PPM1L: variants seen among roughly 807,000 people sequenced by gnomAD.
PPM1L encodes the protein protein phosphatase 1L.
Under a neutral mutation model 31.4 loss-of-function variants are expected in PPM1L, and 13 were observed. The observed-to-expected ratio is 0.41, with a 90% CI of 0.27 to 0.66. PPM1L has a LOEUF of 0.66. Among genes scored for constraint, PPM1L ranks in the 30% least tolerant of loss-of-function variants. The pLI, the probability that PPM1L is intolerant of heterozygous loss-of-function variation, is 0.29. For synonymous variants in PPM1L, 184 were observed against 175.4 expected, an observed-to-expected ratio of 1.05 and a Z score of -0.39; for missense variants, 326 against 453.7, an observed-to-expected ratio of 0.72 and a Z score of 2.56.
At chr3:160,898,289 A>T (rs1447619) in intron 1 of PPM1L, among the ~76,000 whole-genome samples, 63,705 of 152,048 alleles carry the variant, frequency 0.42, 14,924 homozygotes, top group Non-Finnish European at 0.54. Flanking sequence ...AACCAAAATA[A>T]TAGCTTATTC....
At chr3:160,996,690 A>G (rs1576770134) in intron 2 of PPM1L, among the ~76,000 whole-genome samples, 1 of 152,192 alleles carries the variant, frequency 6.6e-6, no homozygotes, top group Non-Finnish European at 1.5e-5. Flanking sequence ...GGTACAGTGT[A>G]CACTGCTCTG....
chr3:161,001,473 G>T (rs1173865433), intron 2 of PPM1L, among the ~76,000 whole-genome samples: 1 of 151,998 alleles, frequency 6.6e-6, no homozygotes, highest in Non-Finnish European at 1.5e-5. Flanking sequence ...AGTAGAGACT[G>T]GGTTTTTCCA....
intron 1 of PPM1L, among the ~76,000 whole-genome samples, chr3:160,786,187 G>GTGTGTGTGTATATA (rs1302285733): frequency 7.6e-5 from 3 of 39,444 alleles, no homozygotes; most frequent in Non-Finnish European, 1.1e-4. Flanking sequence ...GTGTGTGTGT[G>GTGTGTGTGTATATA]TATATATATA....
chr3:161,049,578 A>G (rs539878281), intron 2 of PPM1L, among the ~76,000 whole-genome samples: 132 of 152,196 alleles, frequency 8.7e-4, no homozygotes, highest in Non-Finnish European at 1.7e-3. Context: ...TCTTCTACTC[A>G]AAAGCAATCT....
chr3:161,068,259 C>T (rs1289114878), intron 3 of PPM1L, among the ~76,000 whole-genome samples: 1 of 152,166 alleles, frequency 6.6e-6, no homozygotes. Flanking sequence ...CAAAGTGAGA[C>T]ATGGTTAGAA....
intron 2 of PPM1L, among the ~76,000 whole-genome samples, chr3:160,985,840 CA>C (rs1371593119): frequency 1.3e-5 from 2 of 151,568 alleles, no homozygotes; most frequent in East Asian, 3.9e-4. Context: ...TTCCTCTCAC[CA>C]AAAATTAAAT....
intron 1 of PPM1L, among the ~76,000 whole-genome samples, chr3:160,928,222 G>T (rs971108491): frequency 2.0e-5 from 3 of 152,124 alleles, no homozygotes; most frequent in Non-Finnish European, 4.4e-5. Context: ...CTAAAGTATG[G>T]ATAAAATGAG....
In PPM1L at chr3:160,801,128, TACACACACACACACACACACAC is replaced by T. The variant is rs10575984; in HGVS notation, c.399+44438_399+44459del. ...GTAAGGTTTACTAAATGTTTAGTGA[TACACACACACACACACACACAC>T]ACACACACACACACACGGGAATTTT... On this transcript the variant is annotated intron_variant, in intron 1 of 3. Transcript: ENST00000498165. Among the ~76,000 whole-genome samples, 3 of 145,590 alleles carry T rather than the reference TACACACACACACACACACACAC, an allele frequency of 2.1e-5. No homozygotes were observed. In the South Asian group the frequency reaches 6.7e-4, roughly 32 times the overall value.
chr3:160,806,471 C>T (rs1712603054), intron 1 of PPM1L, among the ~76,000 whole-genome samples: 1 of 152,172 alleles, frequency 6.6e-6, no homozygotes, highest in Non-Finnish European at 1.5e-5. Context: ...GTCTGTGCTA[C>T]ACTTTTCTGT....
chr3:160,960,289 A>G (rs1715910166), intron 1 of PPM1L, among the ~76,000 whole-genome samples: 1 of 152,158 alleles, frequency 6.6e-6, no homozygotes, highest in South Asian at 2.1e-4. Context: ...CAATACATGT[A>G]TATCTTATAT....
chr3:161,068,027 T>C (rs1719789848), intron 3 of PPM1L, among the ~76,000 whole-genome samples: 1 of 152,242 alleles, frequency 6.6e-6, no homozygotes, highest in East Asian at 1.9e-4. Context: ...CTTCATATCC[T>C]GCACATTGCC....
At chr3:160,950,119 T>C (rs987190232) in intron 1 of PPM1L, among the ~76,000 whole-genome samples, 21 of 152,132 alleles carry the variant, frequency 1.4e-4, no homozygotes, top group African/African-American at 4.3e-4. Context: ...AGAACATTTG[T>C]CTTTCTTTAT....
At chr3:160,962,843 TAAAC>T (rs1179996314) in intron 2 of PPM1L, among the ~76,000 whole-genome samples, 1 of 151,944 alleles carries the variant, frequency 6.6e-6, no homozygotes, top group African/African-American at 2.4e-5. Flanking sequence ...CCTAACCACT[TAAAC>T]AATATTTCTA....
intron 2 of PPM1L, among the ~76,000 whole-genome samples, chr3:161,003,760 A>G (rs1447986881): frequency 2.0e-5 from 3 of 152,118 alleles, no homozygotes; most frequent in Admixed American, 1.3e-4. Context: ...GGGGTTTTCT[A>G]GATATACAAT....
At position 160,865,620 on chromosome 3, in the gene PPM1L, C is replaced by T. The variant is rs143599734; in HGVS notation, c.400-96116C>T. On this transcript the variant is annotated intron_variant, in intron 1 of 3. Coordinates refer to ENST00000498165, the MANE Select transcript of PPM1L (RefSeq NM_139245.4). Reference sequence around the variant, plus strand: ...TGAAACCCTGTCTCTACTAAAAATACAAAAATTAGCTGGACGTGGTGGCGT... The same window carrying T: ...TGAAACCCTGTCTCTACTAAAAATATAAAAATTAGCTGGACGTGGTGGCGT... Among the ~76,000 whole-genome samples, 382 of 152,192 alleles carry T rather than the reference C, an allele frequency of 2.5e-3. 1 individual carries two copies. Among genetic ancestry groups the T allele is most frequent in the African/African-American group, 8.8e-3 (366 of 41,544 alleles).
rs1158675607 is a variant in PPM1L at position 160,944,821 on chromosome 3, T to A, written c.400-16915T>A. Among the ~76,000 whole-genome samples the A allele has an allele frequency of 3.6e-5, 2 of 54,808 alleles. 1 individual carries two copies. Among genetic ancestry groups the A allele is most frequent in the East Asian group, 5.3e-4 (2 of 3,740 alleles). 36.0% of individuals were successfully genotyped at this position (54,808 alleles called of 152,430 possible). A position where few individuals can be genotyped will look rare whatever the true frequency, so the allele number is the denominator to read the frequency against. ...ATATAACATATATAACATATATATG[T>A]TATATATAACATATATATGTTATAT... On this transcript the variant is annotated intron_variant, in intron 1 of 3. Transcript: ENST00000498165.
chr3:160,920,607 T>TCA (rs1714357567), intron 1 of PPM1L, among the ~76,000 whole-genome samples: 2 of 90,326 alleles, frequency 2.2e-5, no homozygotes, highest in Non-Finnish European at 2.3e-5. Context: ...TCTCTCTCTC[T>TCA]CTCTCTCTCA....
intron 2 of PPM1L, among the ~76,000 whole-genome samples, chr3:161,003,669 T>C (rs9755360): frequency 6.6e-6 from 1 of 151,904 alleles, no homozygotes; most frequent in Admixed American, 6.6e-5. Flanking sequence ...AGAAGGCTTG[T>C]GATTTTTGTA....
At chr3:160,893,030 A>G (rs540188325) in intron 1 of PPM1L, among the ~76,000 whole-genome samples, 1 of 152,272 alleles carries the variant, frequency 6.6e-6, no homozygotes, top group East Asian at 1.9e-4. Flanking sequence ...ATATAACTGG[A>G]GTTAGAATGT....
Sources: allele counts gnomAD v4.1 joint callset (sites outside exome capture counted in the v4.1 genomes callset), GRCh38; gene constraint gnomAD v4.1.1; transcripts MANE v1.5; gene names NCBI Gene and HGNC (gene_info 2026-07-23, HGNC 2026-07-21).